The following POC5 variants were observed in gnomAD, a reference collection of about 807,000 sequenced individuals.
The protein encoded by POC5 is POC5 centriolar protein, also known as centrosomal protein POC5.
POC5 carries 48 observed loss-of-function variants against 62.9 expected under a neutral mutation model. The ratio of observed to expected loss-of-function variants is 0.76; its 90% CI spans 0.61 to 0.97. POC5 has a LOEUF of 0.97. Ranked by LOEUF, POC5 falls within the 50% of genes least tolerant of loss-of-function variation. The pLI, the probability that POC5 is intolerant of heterozygous loss-of-function variation, is 0.00. For missense variants in POC5, 696 were observed against 679.5 expected (o/e 1.02, Z -0.27); for synonymous variants, 236 against 228.2 (o/e 1.03, Z -0.31).
At chr5:75,690,343 T>C (rs1776274676) in intron 8 of POC5, 40 bp downstream of exon 8, 2 of 1,513,978 alleles carry the variant, frequency 1.3e-6, no homozygotes, top group East Asian at 2.3e-5. Flanking sequence ...TATCTTTTTA[T>C]TGTATTAGAA....
intron 10 of POC5, among the ~76,000 whole-genome samples, chr5:75,679,587 T>C (rs935830349): frequency 2.6e-5 from 4 of 152,280 alleles, no homozygotes; most frequent in South Asian, 2.1e-4. Context: ...TAATTCACTA[T>C]AGTTGGATAG....
At chr5:75,675,358 C>A (rs1259947357) in intron 11 of POC5, among the ~76,000 whole-genome samples, 2 of 152,076 alleles carry the variant, frequency 1.3e-5, no homozygotes, top group Non-Finnish European at 2.9e-5. Context: ...GTTCTCAGTC[C>A]ATATCACTGA....
chr5:75,676,561 T>C (rs564752301), intron 11 of POC5, among the ~76,000 whole-genome samples: 16 of 152,316 alleles, frequency 1.1e-4, no homozygotes, highest in African/African-American at 3.6e-4. Flanking sequence ...AAAAAAGGAT[T>C]TAAAATCATT....
intron 11 of POC5, among the ~76,000 whole-genome samples, chr5:75,676,427 A>C (rs962065592): frequency 6.6e-6 from 1 of 152,190 alleles, no homozygotes; most frequent in Admixed American, 6.5e-5. Flanking sequence ...CCATGTCTCT[A>C]TCTGGACTTG....
At chr5:75,690,307 G>C in intron 8 of POC5, 76 bp downstream of exon 8, 1 of 1,281,768 alleles carries the variant, frequency 7.8e-7, no homozygotes, top group Non-Finnish European at 1.1e-6. Context: ...AAAAGAAGAA[G>C]TCTATTAATT....
chr5:75,688,345 T>C (rs1776181756), intron 9 of POC5, among the ~76,000 whole-genome samples: 1 of 152,182 alleles, frequency 6.6e-6, no homozygotes, highest in African/African-American at 2.4e-5. Flanking sequence ...GGAAGGTTTA[T>C]ATTATCTCCT....
chr5:75,706,262 T>C (rs1777117183), intron 3 of POC5, among the ~76,000 whole-genome samples: 1 of 152,214 alleles, frequency 6.6e-6, no homozygotes, highest in Admixed American at 6.5e-5. Flanking sequence ...CAAGAATGAC[T>C]GTTAGAGGCT....
At chr5:75,690,938 G>A (rs1023578233) in intron 7 of POC5, among the ~76,000 whole-genome samples, 1 of 152,196 alleles carries the variant, frequency 6.6e-6, no homozygotes, top group African/African-American at 2.4e-5. Context: ...TGGCTAGAAG[G>A]CAGGAAATGG....
At chr5:75,711,197 T>C (rs755016286) in intron 2 of POC5, among the ~76,000 whole-genome samples, 10 of 152,168 alleles carry the variant, frequency 6.6e-5, no homozygotes, top group Non-Finnish European at 1.5e-4. Context: ...AAATTAAGAA[T>C]CAAAATAAAC....
chr5:75,697,449 C>G (rs1776655487), intron 5 of POC5, among the ~76,000 whole-genome samples: 1 of 151,952 alleles, frequency 6.6e-6, no homozygotes, highest in Non-Finnish European at 1.5e-5. Flanking sequence ...TCATATCCAG[C>G]CAAACTAAGC....
At chr5:75,691,255 C>T (rs1776320760) in intron 7 of POC5, among the ~76,000 whole-genome samples, 1 of 152,034 alleles carries the variant, frequency 6.6e-6, no homozygotes, top group African/African-American at 2.4e-5. Flanking sequence ...TTCATTTTAA[C>T]CAGCTTACTT....
At chr5:75,679,649 CA>C (rs1775799977) in intron 10 of POC5, among the ~76,000 whole-genome samples, 1 of 151,858 alleles carries the variant, frequency 6.6e-6, no homozygotes, top group Admixed American at 6.6e-5. Flanking sequence ...AACATTATAC[CA>C]GAAAGGAAAT....
chr5:75,687,400 T>C (rs1449753355), intron 9 of POC5, among the ~76,000 whole-genome samples: 7 of 150,100 alleles, frequency 4.7e-5, no homozygotes, highest in Non-Finnish European at 7.4e-5. Flanking sequence ...CTAAAAAAAA[T>C]AGGTGTCATT....
rs1776383520 is a variant in POC5, at chr5:75,692,480, A to G, written c.711T>C (p.His237=). The change falls in exon 7 of 12, where the codon CAT becomes CAC. Residue 237 remains histidine (H), a synonymous_variant. Coordinates refer to ENST00000428202, the MANE Select transcript of POC5 (RefSeq NM_001099271.2). ...RKDEVISSLS[H]AIGKQKEKIE... ...TCTTTTCCTTTTGCTTGCCTATGGC[A>G]TGAGACAAGCTAGAAATCACCTGTA... 4 of 1,602,146 alleles carry G rather than the reference A, an allele frequency of 2.5e-6. No individual in the cohort carries two copies. Among genetic ancestry groups the G allele is most frequent in the Non-Finnish European group, 2.6e-6 (3 of 1,174,312 alleles).
chr5:75,678,790 C>T (rs1579997260), intron 10 of POC5, among the ~76,000 whole-genome samples: 1 of 152,196 alleles, frequency 6.6e-6, no homozygotes, highest in East Asian at 1.9e-4. Context: ...ACGATCATAT[C>T]AAAAAGTATT....
chr5:75,705,954 C>G (rs1777100854), intron 3 of POC5, among the ~76,000 whole-genome samples, 167 bp from the exon 4 acceptor site: 3 of 152,160 alleles, frequency 2.0e-5, no homozygotes, highest in African/African-American at 7.2e-5. Flanking sequence ...AGATAAAAAT[C>G]TGAGACTAGA....
chr5:75,716,562 A>G (rs1306739128), intron 1 of POC5, among the ~76,000 whole-genome samples: 2 of 152,232 alleles, frequency 1.3e-5, no homozygotes, highest in Non-Finnish European at 2.9e-5. Flanking sequence ...TTGAAACTCT[A>G]GAACAGTAGC....
At position 75,685,501 on chromosome 5, in the gene POC5, A is replaced by T. The variant is rs1037435686; in HGVS notation, c.1130-17T>A. On this transcript the variant is annotated splice_polypyrimidine_tract_variant and intron_variant, in intron 9 of 11. Coordinates refer to ENST00000428202, the MANE Select transcript of POC5 (RefSeq NM_001099271.2). ...AGTCTATCCCTATAAATCACAAATTAATTCCATTCAAATTCTTCCAGGTTA... is the reference window on the plus strand; with the variant it reads ...AGTCTATCCCTATAAATCACAAATTTATTCCATTCAAATTCTTCCAGGTTA... The T allele has an allele frequency of 6.3e-6, 10 of 1,589,634 alleles. No homozygotes were observed. The highest frequency in any genetic ancestry group is 8.6e-6 in the Non-Finnish European group (10 of 1,161,774).
chr5:75,701,363 A>C (rs1195274918), intron 5 of POC5, among the ~76,000 whole-genome samples: 1 of 125,768 alleles, frequency 8.0e-6, no homozygotes, highest in Non-Finnish European at 1.7e-5. Flanking sequence ...AATGTGGCAC[A>C]TATACACCAT....
Sources: gnomAD v4.1 joint callset for allele counts (sites outside exome capture counted in the v4.1 genomes callset) on GRCh38, gnomAD v4.1.1 for gene constraint, MANE v1.5 for transcripts, NCBI Gene and HGNC (gene_info 2026-07-23, HGNC 2026-07-21) for gene names.